CC2D1A: variants seen among roughly 807,000 people sequenced by gnomAD.
The protein encoded by CC2D1A is coiled-coil and C2 domain-containing protein 1A.
In CC2D1A, 68 loss-of-function variants were observed where a neutral mutation model predicts 123.8. The ratio of observed to expected loss-of-function variants is 0.55; its 90% CI spans 0.45 to 0.67. The LOEUF is 0.67. Among genes scored for constraint, CC2D1A ranks in the 30% least tolerant of loss-of-function variants. The pLI, the probability that CC2D1A is intolerant of heterozygous loss-of-function variation, is 0.00. For synonymous variants in CC2D1A, 477 were observed against 528.0 expected, an observed-to-expected ratio of 0.90 and a Z score of 1.32; for missense variants, 1,185 against 1,290.3, an observed-to-expected ratio of 0.92 and a Z score of 1.25.
chr19:13,915,308 T>C (rs58224607), intron 6 of CC2D1A, among the ~76,000 whole-genome samples: 19,355 of 152,278 alleles, frequency 0.13, 4,009 homozygotes, highest in African/African-American at 0.43. Context: ...TGCGATGGCG[T>C]GATCTCGGCT....
intron 12 of CC2D1A, 151 bp from the exon 13 acceptor site, chr19:13,920,406 G>A: frequency 1.6e-6 from 1 of 635,518 alleles, no homozygotes. Context: ...AAAGGTGTTT[G>A]GGGCCAGGGG....
At chr19:13,919,651 C>G in intron 11 of CC2D1A, 167 bp from the exon 12 acceptor site, 1 of 552,906 alleles carries the variant, frequency 1.8e-6, no homozygotes, top group South Asian at 6.1e-5. Flanking sequence ...GTACTCCAGC[C>G]TGGGCAACAG....
At position 13,919,033 on chromosome 19, in the gene CC2D1A, C is replaced by T. The variant is rs779831737; in HGVS notation, c.1140C>T (p.Arg380=). The stretch of plus-strand genomic sequence containing the variant: ...AGCGGAAAGCTCGAATGCACGAGCG[C>T]ATCGTCAAGGTGCCCTGGGGGTTCC... ...GDQRKARMHE[R]IVKQYQDAIR... Residue 380 remains arginine (R), a synonymous_variant, in exon 10 of 29, where the codon CGC becomes CGT. Coordinates refer to ENST00000318003, the MANE Select transcript of CC2D1A (RefSeq NM_017721.5). 1.5e-5 allele frequency: 24 copies of T among 1,607,292 alleles called. 1 individual carries two copies. The highest frequency in any genetic ancestry group is 3.3e-4 in the Middle Eastern group (2 of 6,064).
At position 13,909,927 on chromosome 19, in the gene CC2D1A, G is replaced by A. The variant is rs1328594630; in HGVS notation, c.165G>A (p.Gln55=). The change falls in exon 2 of 29, where the codon CAG becomes CAA. Residue 55 remains glutamine, a synonymous_variant. Coordinates refer to ENST00000318003, the MANE Select transcript of CC2D1A (RefSeq NM_017721.5). ...AGTTCTTGGCTTTGGTCGGGGGCCAGCCCCCAGCCCTGGAGAAGCTCAAAG... is the reference window on the plus strand; with the variant it reads ...AGTTCTTGGCTTTGGTCGGGGGCCAACCCCCAGCCCTGGAGAAGCTCAAAG... ...EAEFLALVGG[Q]PPALEKLKGK... 6.5e-7 allele frequency: 1 copy of A among 1,529,718 alleles called. No homozygotes were observed. The highest frequency in any genetic ancestry group is 1.3e-5 in the South Asian group (1 of 77,746). The allele number at this position is 1,529,718 out of a possible 1,614,324, so 94.8% of individuals were successfully genotyped here. A position where few individuals can be genotyped will look rare whatever the true frequency, so the allele number is the denominator to read the frequency against.
chr19:13,910,178 C>A (rs1364921599), intron 2 of CC2D1A, among the ~76,000 whole-genome samples: 2 of 149,938 alleles, frequency 1.3e-5, no homozygotes, highest in Admixed American at 6.7e-5. Flanking sequence ...GCAGGCAGAT[C>A]ATGAGGTCAG....
intron 2 of CC2D1A, among the ~76,000 whole-genome samples, chr19:13,911,243 G>C (rs1241089851): frequency 6.6e-6 from 1 of 152,120 alleles, no homozygotes; most frequent in East Asian, 1.9e-4. Flanking sequence ...GGTTATGACT[G>C]GAGATTCACA....
chr19:13,924,783 G>T (rs1033356093), intron 17 of CC2D1A, among the ~76,000 whole-genome samples: 7 of 152,108 alleles, frequency 4.6e-5, no homozygotes, highest in Admixed American at 1.3e-4. Flanking sequence ...TCTAAATGAG[G>T]TTAGGTGCAG....
rs1971462052 is a variant in CC2D1A, at chr19:13,923,066, G to A, written c.1642-267G>A. ...AAATTAGCCAGGTGTGGTGGCAGGC[G>A]CCTGTAATTCCAGCTACTCAGGAGG... On this transcript the variant is annotated intron_variant, in intron 14 of 28. Coordinates refer to ENST00000318003, the MANE Select transcript of CC2D1A (RefSeq NM_017721.5). This position sits in a 1 kb window ranked among gnomAD's most constrained non-coding sequence, Gnocchi z 5.3. 1.3e-5 allele frequency among the ~76,000 whole-genome samples: 2 copies of A among 152,016 alleles called. No individual in the cohort carries two copies. The highest frequency in any genetic ancestry group is 4.2e-4 in the South Asian group (2 of 4,814).
At chr19:13,907,418 A>G (rs1310657488) in intron 1 of CC2D1A, among the ~76,000 whole-genome samples, 3 of 152,134 alleles carry the variant, frequency 2.0e-5, no homozygotes, top group Non-Finnish European at 2.9e-5. Flanking sequence ...TCTCTAAAAT[A>G]AAGATAAAAA....
intron 6 of CC2D1A, among the ~76,000 whole-genome samples, chr19:13,917,616 G>C (rs1306548686): frequency 6.6e-6 from 1 of 151,834 alleles, no homozygotes; most frequent in East Asian, 1.9e-4. Flanking sequence ...TTGGGAGGCG[G>C]AGGTTGCAGT....
At chr19:13,926,040 A>G (rs1288277247) in intron 17 of CC2D1A, among the ~76,000 whole-genome samples, 8 of 87,868 alleles carry the variant, frequency 9.1e-5, no homozygotes, top group Admixed American at 4.7e-4. Context: ...ATATATATAT[A>G]TATACACGTA....
At position 13,929,195 on chromosome 19, in the gene CC2D1A, C is replaced by T. The variant is rs10421623; in HGVS notation, c.2520-184C>T. Among the ~76,000 whole-genome samples the T allele has an allele frequency of 5.8e-3, 865 of 149,574 alleles. 5 individuals carry two copies. Among genetic ancestry groups the T allele is most frequent in the African/African-American group, 0.014 (587 of 40,592 alleles). ...ATTTTTTTTCTATTTTTAGTAGAGA[C>T]GGGGTTTCACCATATTGGCCAGGCT... On this transcript the variant is annotated intron_variant, in intron 24 of 28. Coordinates refer to ENST00000318003, the MANE Select transcript of CC2D1A (RefSeq NM_017721.5).
intron 6 of CC2D1A, 30 bp downstream of exon 6, chr19:13,913,668 G>C (rs754501648): frequency 1.3e-5 from 20 of 1,524,504 alleles, no homozygotes; most frequent in Non-Finnish European, 1.8e-5. Flanking sequence ...GGGCTGATAT[G>C]GGATCCGAGT....
intron 22 of CC2D1A, 199 bp from the exon 23 acceptor site, chr19:13,927,694 C>G: frequency 1.6e-6 from 1 of 610,680 alleles, no homozygotes; most frequent in Non-Finnish European, 2.9e-6. Context: ...AGGAGAATGG[C>G]GTAAGTAAAC....
In CC2D1A at chr19:13,913,495, C is replaced by A. The variant is rs375001092; in HGVS notation, c.605C>A (p.Ala202Glu). 30 of 1,614,066 alleles carry A rather than the reference C, an allele frequency of 1.9e-5. No homozygotes were observed. Among genetic ancestry groups the A allele is most frequent in the Non-Finnish European group, 2.2e-5 (26 of 1,180,060 alleles). The change falls in exon 6 of 29, where the codon GCG becomes GAG. Residue 202 changes from alanine to glutamate, a missense_variant. Coordinates refer to ENST00000318003, the MANE Select transcript of CC2D1A (RefSeq NM_017721.5). ...PPPVAIGKGP[A>E]STPTYSPAPT... Reference sequence around the variant, plus strand: ...CCAGTGGCCATAGGAAAAGGCCCGGCGTCCACGCCTACCTACAGCCCTGCA... The same window carrying A: ...CCAGTGGCCATAGGAAAAGGCCCGGAGTCCACGCCTACCTACAGCCCTGCA...
chr19:13,930,767 C>A lies in CC2D1A; in HGVS notation c.*372C>A, dbSNP rs1438693907. The A allele has an allele frequency of 9.4e-6, 3 of 319,284 alleles. No individual in the cohort carries two copies. The highest frequency in any genetic ancestry group is 6.4e-5 in the African/African-American group (3 of 46,540). 19.8% of individuals were successfully genotyped at this position (319,284 alleles called of 1,614,324 possible). A position where few individuals can be genotyped will look rare whatever the true frequency, so the allele number is the denominator to read the frequency against. ...CTTAACCCCAAAGCCCTCCTGCACC[C>A]CAAAGAAGCCACTGAGGCTGGCCGA... is the stretch of plus-strand genomic sequence containing the variant. On this transcript the variant is annotated 3_prime_UTR_variant, in exon 29 of 29. Coordinates refer to ENST00000318003, the MANE Select transcript of CC2D1A (RefSeq NM_017721.5). The surrounding 1 kb of genome is among the most constrained non-coding windows in gnomAD (Gnocchi z 6.8).
At position 13,928,163 on chromosome 19, in the gene CC2D1A, G is replaced by C; in HGVS notation, c.2494G>C (p.Ala832Pro). Residue 832 changes from alanine to proline, a missense_variant, in exon 24 of 29, where the codon GCC becomes CCC. By Grantham distance (27) the Ala-to-Pro change is conservative. Transcript: ENST00000318003. The part of the protein sequence containing the change: ...GPKGKAPPVP[A>P]PARESGNRSA... ...CAAAGGGAAGGCCCCTCCTGTGCCT[G>C]CCCCTGCAAGGGAGTCAGGGAACAG... is the stretch of plus-strand genomic sequence containing the variant. 1 of 1,613,446 alleles carries C rather than the reference G, an allele frequency of 6.2e-7. No homozygotes were observed. The highest frequency in any genetic ancestry group is 8.5e-7 in the Non-Finnish European group (1 of 1,179,918).
At chr19:13,915,043 C>A (rs746048870) in intron 6 of CC2D1A, among the ~76,000 whole-genome samples, 1 of 152,204 alleles carries the variant, frequency 6.6e-6, no homozygotes, top group Non-Finnish European at 1.5e-5. Flanking sequence ...CCTTCTGCAA[C>A]CAAGCTAGTT....
At chr19:13,927,822 CCCTTGTCCTGG>C in intron 22 of CC2D1A, 60 bp from the exon 23 acceptor site, 1 of 1,484,042 alleles carries the variant, frequency 6.7e-7, no homozygotes, top group African/African-American at 1.4e-5. Flanking sequence ...GTCTTGTTCT[CCCTTGTCCTGG>C]CCCTGGGCCT....
Sources: gnomAD v4.1 joint callset for allele counts (sites outside exome capture counted in the v4.1 genomes callset) on GRCh38, gnomAD v4.1.1 for gene constraint, Gnocchi (gnomAD v3.1) non-coding constraint, MANE v1.5 for transcripts, NCBI Gene and HGNC (gene_info 2026-07-23, HGNC 2026-07-21) for gene names.